Variants in FBXW11 observed in about 807,000 individuals in gnomAD.
The protein encoded by FBXW11 is F-box and WD repeat domain containing 11, also known as F-box/WD repeat-containing protein 11.
In FBXW11, 19 loss-of-function variants were observed where a neutral mutation model predicts 77.6. That is an observed-to-expected ratio of 0.24 (90% CI 0.17 to 0.36). FBXW11 has a LOEUF of 0.36. Ranked by LOEUF, FBXW11 falls within the 10% of genes least tolerant of loss-of-function variation. FBXW11 has a pLI of 1.00. For synonymous variants in FBXW11, 235 were observed against 249.4 expected (o/e 0.94, Z 0.54); for missense variants, 334 against 704.2 (o/e 0.47, Z 5.95).
At chr5:171,885,889 A>T (rs1758844284) in intron 7 of FBXW11, among the ~76,000 whole-genome samples, 1 of 152,218 alleles carries the variant, frequency 6.6e-6, no homozygotes, top group Admixed American at 6.5e-5. Context: ...GTTATTTTTT[A>T]AAGTGATTAG....
intron 6 of FBXW11, among the ~76,000 whole-genome samples, chr5:171,896,860 C>G (rs1038007273): frequency 2.0e-5 from 3 of 152,134 alleles, no homozygotes; most frequent in African/African-American, 7.2e-5. Flanking sequence ...GTCATACGGA[C>G]AGAGCCAAGC....
At chr5:171,948,214 G>A (rs1305658377) in intron 2 of FBXW11, among the ~76,000 whole-genome samples, 7 of 128,710 alleles carry the variant, frequency 5.4e-5, no homozygotes, top group African/African-American at 1.2e-4. Context: ...CAGCCTGGGC[G>A]ACAGAGTGAG....
chr5:171,862,893 C>G lies in FBXW11; in HGVS notation c.*1234G>C, dbSNP rs772385895. On this transcript the variant is annotated 3_prime_UTR_variant, in exon 14 of 14. Coordinates refer to ENST00000517395, the MANE Select transcript of FBXW11 (RefSeq NM_001378974.1). Reference sequence around the variant, plus strand: ...TGCATGAATTCCAGAGCCAAGACAGCCCGTCAACAGGGCCTTCTTATTTCC... The same window carrying G: ...TGCATGAATTCCAGAGCCAAGACAGGCCGTCAACAGGGCCTTCTTATTTCC... 23 of 152,278 alleles carry G rather than the reference C, an allele frequency of 1.5e-4. No individual in the cohort carries two copies. Among genetic ancestry groups the G allele is most frequent in the Non-Finnish European group, 3.1e-4 (21 of 68,102 alleles). The allele number at this position is 152,278 out of a possible 1,614,324, so 9.4% of individuals were successfully genotyped here.
chr5:171,866,302 A>G (rs1757387895), intron 13 of FBXW11, among the ~76,000 whole-genome samples: 1 of 152,198 alleles, frequency 6.6e-6, no homozygotes, highest in Non-Finnish European at 1.5e-5. Flanking sequence ...AAGAGCAGTA[A>G]AATCTATAAA....
At chr5:171,922,945 T>A (rs1761679262) in intron 2 of FBXW11, among the ~76,000 whole-genome samples, 1 of 152,112 alleles carries the variant, frequency 6.6e-6, no homozygotes, top group Admixed American at 6.6e-5. Flanking sequence ...GACAGAGTCA[T>A]GCTCTGCTGC....
chr5:171,879,215 CT>C (rs1758341650), intron 7 of FBXW11, among the ~76,000 whole-genome samples: 1 of 152,154 alleles, frequency 6.6e-6, no homozygotes, highest in African/African-American at 2.4e-5. Context: ...AGTATGTAGC[CT>C]TTTTAGATTG....
intron 2 of FBXW11, among the ~76,000 whole-genome samples, chr5:171,935,380 TTTGAG>T (rs145558480): frequency 0.023 from 3,498 of 152,192 alleles, 125 homozygotes; most frequent in African/African-American, 0.079. Context: ...ATTTACAATA[TTTGAG>T]TTATGTCTCA....
At chr5:171,891,440 T>C in intron 7 of FBXW11, 27 bp downstream of exon 7, 2 of 1,560,474 alleles carry the variant, frequency 1.3e-6, no homozygotes, top group Non-Finnish European at 1.7e-6. Flanking sequence ...ATTCTAAAAA[T>C]AATACATAAA....
Position 171,913,842 on chromosome 5 carries a change from C to CACACACACACACAT in FBXW11, c.210+500_210+501insATGTGTGTGTGTGT, listed in dbSNP as rs1561677851. Among the ~76,000 whole-genome samples, 6 of 150,412 alleles carry CACACACACACACAT rather than the reference C, an allele frequency of 4.0e-5. No individual in the cohort carries two copies. The East Asian group carries it at 1.2e-3, about 30-fold the overall frequency. On this transcript the variant is annotated intron_variant, in intron 3 of 13. Coordinates refer to ENST00000517395, the MANE Select transcript of FBXW11 (RefSeq NM_001378974.1). ...ATACACACACACACACACACACACA[C>CACACACACACACAT]ACACACACACACACACACACACACA...
chr5:171,949,173 T>C (rs1381629257), intron 2 of FBXW11, among the ~76,000 whole-genome samples: 3 of 152,176 alleles, frequency 2.0e-5, no homozygotes, highest in African/African-American at 4.8e-5. Context: ...ATGATACAGT[T>C]GTGGATGATG....
intron 7 of FBXW11, among the ~76,000 whole-genome samples, chr5:171,879,512 AT>A (rs1330032283): frequency 2.6e-5 from 4 of 152,236 alleles, no homozygotes; most frequent in Admixed American, 2.6e-4. Context: ...TTTCGTAAGA[AT>A]GCCAAACTGC....
At chr5:171,945,041 G>A (rs572773974) in intron 2 of FBXW11, among the ~76,000 whole-genome samples, 10 of 152,186 alleles carry the variant, frequency 6.6e-5, no homozygotes, top group African/African-American at 1.9e-4. Flanking sequence ...GACATGACCC[G>A]TTTTCTCATA....
chr5:171,900,073 T>C lies in FBXW11; in HGVS notation c.464A>G (p.Asn155Ser). The C allele has an allele frequency of 6.2e-7, 1 of 1,613,254 alleles. No homozygotes were observed. The highest frequency in any genetic ancestry group is 2.2e-5 in the East Asian group (1 of 44,862). Residue 155 changes from asparagine (N) to serine (S), a missense_variant, in exon 5 of 14, where the codon AAC (asparagine) becomes AGC (serine). This residue lies in a region of FBXW11 where 56 missense variants were observed against 144.9 expected (regional missense o/e 0.39). Coordinates refer to ENST00000517395, the MANE Select transcript of FBXW11 (RefSeq NM_001378974.1). ...CCTGGCATCCAGGTACGAAAGAATG[T>C]TTTCTGCTATGTGATCTAAGCCTTG... ...PEQGLDHIAE[N>S]ILSYLDARSL...
intron 6 of FBXW11, among the ~76,000 whole-genome samples, chr5:171,893,445 A>AAAAAAAAAAC (rs1437337290): frequency 6.7e-6 from 1 of 149,010 alleles, no homozygotes; most frequent in Non-Finnish European, 1.5e-5. Context: ...AAAAAAAAAA[A>AAAAAAAAAAC]AACTAACCCA....
At chr5:171,883,497 A>C (rs979188521) in intron 7 of FBXW11, among the ~76,000 whole-genome samples, 1 of 152,202 alleles carries the variant, frequency 6.6e-6, no homozygotes, top group East Asian at 1.9e-4. Context: ...CTGCACGTTG[A>C]GCACATGTAC....
chr5:171,887,905 C>T (rs972165970), intron 7 of FBXW11, among the ~76,000 whole-genome samples: 2 of 152,018 alleles, frequency 1.3e-5, no homozygotes, highest in Non-Finnish European at 2.9e-5. Context: ...GTGATCCACC[C>T]GCCTCAGCCT....
chr5:171,926,806 T>C (rs1264795836), intron 2 of FBXW11, among the ~76,000 whole-genome samples: 1 of 152,136 alleles, frequency 6.6e-6, no homozygotes, highest in African/African-American at 2.4e-5. Context: ...GGCAGAGATA[T>C]TTGGTTGTAT....
At chr5:171,994,602 T>C (rs1765925459) in intron 1 of FBXW11, among the ~76,000 whole-genome samples, 1 of 152,078 alleles carries the variant, frequency 6.6e-6, no homozygotes, top group African/African-American at 2.4e-5. Flanking sequence ...TCAACCTGTA[T>C]AAGGATAAAA....
At chr5:171,987,545 G>A (rs1765513022) in intron 1 of FBXW11, among the ~76,000 whole-genome samples, 1 of 152,102 alleles carries the variant, frequency 6.6e-6, no homozygotes. Flanking sequence ...CCACCTCCCG[G>A]GTTCAAGCGA....
Sources: allele counts gnomAD v4.1 joint callset (sites outside exome capture counted in the v4.1 genomes callset), GRCh38; gene constraint gnomAD v4.1.1; regional missense constraint gnomAD v4.1.1; transcripts MANE v1.5; gene names NCBI Gene and HGNC (gene_info 2026-07-23, HGNC 2026-07-21).